The following ZNF451 variants were observed in gnomAD, a reference collection of about 807,000 sequenced individuals.
The protein encoded by ZNF451 is E3 SUMO-protein ligase ZNF451.
ZNF451 carries 80 observed loss-of-function variants against 107.1 expected under a neutral mutation model. The observed-to-expected ratio is 0.75, with a 90% confidence interval of 0.62 to 0.90. The LOEUF is 0.90. ZNF451 is among the 40% of genes least tolerant of loss of function. ZNF451 has a pLI of 0.00. For missense variants in ZNF451, 1,107 were observed against 1,236.2 expected (o/e 0.90, Z 1.57); for synonymous variants, 362 against 406.5 (o/e 0.89, Z 1.32).
chr6:57,128,953 C>G lies in ZNF451; in HGVS notation c.424+113C>G, dbSNP rs1831055818. The G allele has an allele frequency of 1.3e-5, 9 of 695,212 alleles. No homozygotes were observed. The South Asian group carries it at 1.8e-4, about 14-fold the overall frequency. The allele number at this position is 695,212 out of a possible 1,614,324, so 43.1% of individuals were successfully genotyped here. On this transcript the variant is annotated intron_variant, in intron 5 of 14. Transcript: ENST00000370706. ...GCATATAAGATATTAAATTTTGTTT[C>G]AGTGATACTAATATCACCTCATAAT...
chr6:57,134,765 T>C lies in ZNF451; in HGVS notation c.597T>C (p.Asp199=), dbSNP rs763208997. 2 of 1,613,196 alleles carry C rather than the reference T, an allele frequency of 1.2e-6. No individual in the cohort carries two copies. Among genetic ancestry groups the C allele is most frequent in the African/African-American group, 2.7e-5 (2 of 74,926 alleles). Residue 199 remains aspartate (D), a synonymous_variant, in exon 7 of 15, where the codon GAT becomes GAC. Transcript: ENST00000370706. Reference sequence around the variant, plus strand: ...GTAGGTTCGATCACTCTCCATGTGATCCAACAATTACACTACATGGACCTT... The same window carrying C: ...GTAGGTTCGATCACTCTCCATGTGACCCAACAATTACACTACATGGACCTT... ...HLKRFDHSPC[D]PTITLHGPFF...
At chr6:57,113,686 A>C (rs894795863) in intron 3 of ZNF451, among the ~76,000 whole-genome samples, 1 of 150,760 alleles carries the variant, frequency 6.6e-6, no homozygotes, top group African/African-American at 2.4e-5. Flanking sequence ...CAGTGGTGCA[A>C]TCTCGGCTCA....
intron 3 of ZNF451, chr6:57,106,807 T>C (rs1829885347): frequency 1.0e-6 from 1 of 985,206 alleles, no homozygotes; most frequent in Non-Finnish European, 1.2e-6. Flanking sequence ...TCATAGTAGA[T>C]ACACAAACCA....
intron 10 of ZNF451, among the ~76,000 whole-genome samples, chr6:57,148,983 AAGTT>A: frequency 6.6e-6 from 1 of 152,274 alleles, no homozygotes; most frequent in Admixed American, 6.5e-5. Flanking sequence ...GTTTTTCTGA[AAGTT>A]AGATTTCAAA....
chr6:57,134,617 T>A, intron 6 of ZNF451, 127 bp from the exon 7 acceptor site: 1 of 719,732 alleles, frequency 1.4e-6, no homozygotes. Flanking sequence ...TTACTTAATA[T>A]TTCAGTAGAA....
intron 9 of ZNF451, among the ~76,000 whole-genome samples, chr6:57,144,700 A>C (rs1025688880): frequency 6.6e-6 from 1 of 152,054 alleles, no homozygotes; most frequent in Non-Finnish European, 1.5e-5. Context: ...AGGCTTAGGC[A>C]GGTGGATTGC....
At chr6:57,158,753 A>G in intron 13 of ZNF451, 2 of 985,472 alleles carry the variant, frequency 2.0e-6, no homozygotes, top group Non-Finnish European at 2.4e-6. Flanking sequence ...AGATGTTACT[A>G]CAAGATAATT....
In ZNF451 at chr6:57,147,519, G is replaced by A. The variant is rs1832126587; in HGVS notation, c.1434G>A (p.Gln478=). Reference sequence around the variant, plus strand: ...AAACCTGGTTCTGTGAATGCAATCAGCGATTCCCAAGTGAAGATGCAGTAG... The same window carrying A: ...AAACCTGGTTCTGTGAATGCAATCAACGATTCCCAAGTGAAGATGCAGTAG... ...VVKTWFCECN[Q]RFPSEDAVEK... Residue 478 remains glutamine, a synonymous_variant, in exon 10 of 15, where the codon CAG becomes CAA. Coordinates refer to ENST00000370706, the MANE Select transcript of ZNF451 (RefSeq NM_001031623.3). 1 of 1,614,000 alleles carries A rather than the reference G, an allele frequency of 6.2e-7. No homozygotes were observed. The highest frequency in any genetic ancestry group is 1.3e-5 in the African/African-American group (1 of 74,928).
At chr6:57,142,130 A>T in intron 9 of ZNF451, 35 bp downstream of exon 9, 1 of 1,556,446 alleles carries the variant, frequency 6.4e-7, no homozygotes. Context: ...AGGAATACGG[A>T]TGAGTGTTTG....
chr6:57,122,594 C>T (rs1007531913), intron 3 of ZNF451, among the ~76,000 whole-genome samples: 1 of 152,170 alleles, frequency 6.6e-6, no homozygotes, highest in African/African-American at 2.4e-5. Flanking sequence ...CAAAAGACAA[C>T]ATACAAGCAG....
intron 13 of ZNF451, among the ~76,000 whole-genome samples, chr6:57,156,469 C>T (rs1763429635): frequency 6.6e-6 from 1 of 152,058 alleles, no homozygotes; most frequent in East Asian, 1.9e-4. Flanking sequence ...TAAAGAATGC[C>T]AGATAACTCC....
At chr6:57,116,302 A>G (rs1237210870) in intron 3 of ZNF451, 4 of 152,288 alleles carry the variant, frequency 2.6e-5, no homozygotes, top group Non-Finnish European at 4.4e-5. Flanking sequence ...CTTACGCCAC[A>G]GCACTTTGGA....
chr6:57,147,891 G>C lies in ZNF451; in HGVS notation c.1806G>C (p.Pro602=), dbSNP rs759616187. 1.2e-5 allele frequency: 19 copies of C among 1,614,130 alleles called. No homozygotes were observed. Among genetic ancestry groups the C allele is most frequent in the Non-Finnish European group, 1.6e-5 (19 of 1,179,982 alleles). The change falls in exon 10 of 15, where the codon CCG becomes CCC. Residue 602 remains proline, a synonymous_variant. Coordinates refer to ENST00000370706, the MANE Select transcript of ZNF451 (RefSeq NM_001031623.3). ...VIDHSPANSS[P]RGKWQCRICE... ...ATCATTCCCCGGCAAATAGTTCTCC[G>C]AGGGGTAAATGGCAATGCCGGATTT... is the stretch of plus-strand genomic sequence containing the variant.
chr6:57,109,129 C>T, intron 3 of ZNF451: 3 of 985,422 alleles, frequency 3.0e-6, no homozygotes, highest in Non-Finnish European at 3.6e-6. Flanking sequence ...ATCAGGAACC[C>T]TATCCTCTTA....
intron 3 of ZNF451, among the ~76,000 whole-genome samples, chr6:57,124,258 C>A (rs1000038052): frequency 6.6e-6 from 1 of 152,104 alleles, no homozygotes; most frequent in Non-Finnish European, 1.5e-5. Context: ...AATATAGGAT[C>A]ATGTGTGAGG....
chr6:57,101,660 T>A, intron 3 of ZNF451: 1 of 1,550,674 alleles, frequency 6.4e-7, no homozygotes, highest in African/African-American at 1.4e-5. Flanking sequence ...GACCCAGAAT[T>A]TGATCGTGGA....
intron 3 of ZNF451, chr6:57,102,214 G>A (rs1173417288): frequency 1.5e-5 from 21 of 1,413,682 alleles, no homozygotes; most frequent in Admixed American, 3.2e-5. Flanking sequence ...ATGCATGTCT[G>A]GAATGATCAC....
chr6:57,110,363 C>T (rs1830054809), intron 3 of ZNF451, among the ~76,000 whole-genome samples: 1 of 152,164 alleles, frequency 6.6e-6, no homozygotes, highest in South Asian at 2.1e-4. Flanking sequence ...AGTTGTCTCT[C>T]TAGGGGTTGG....
At chr6:57,138,741 A>ATATATATGTG (rs1365084616) in intron 7 of ZNF451, among the ~76,000 whole-genome samples, 3 of 46,600 alleles carry the variant, frequency 6.4e-5, no homozygotes, top group South Asian at 1.1e-3. Flanking sequence ...ATATATATAT[A>ATATATATGTG]TGTGTGTGTG....
Sources: gnomAD v4.1 joint callset for allele counts (sites outside exome capture counted in the v4.1 genomes callset) on GRCh38, gnomAD v4.1.1 for gene constraint, MANE v1.5 for transcripts, NCBI Gene and HGNC (gene_info 2026-07-23, HGNC 2026-07-21) for gene names.